Variants in ZCCHC2 observed in about 807,000 individuals in gnomAD.
ZCCHC2 encodes zinc finger CCHC-type containing 2.
ZCCHC2 carries 39 observed loss-of-function variants against 103.6 expected under a neutral mutation model. The observed-to-expected ratio is 0.38, with a 90% CI of 0.29 to 0.49. The LOEUF (loss-of-function observed/expected upper bound fraction) is 0.49. Ranked by LOEUF, ZCCHC2 falls within the 20% of genes least tolerant of loss-of-function variation. ZCCHC2 has a pLI of 0.96. For missense variants in ZCCHC2, 1,483 were observed against 1,491.0 expected (o/e 0.99, Z 0.09); for synonymous variants, 687 against 608.9 (o/e 1.13, Z -1.89).
chr18:62,574,133 T>C lies in ZCCHC2; in HGVS notation c.2052T>C (p.Thr684=). Residue 684 remains threonine, a synonymous_variant, in exon 13 of 14, where the codon ACT becomes ACC. Coordinates refer to ENST00000269499, the MANE Select transcript of ZCCHC2 (RefSeq NM_017742.6). ...RFTGYGSVNQ[T]VTVKPPVQIA... is the part of the protein sequence containing the mutation. ...CAGGTTACGGTTCTGTCAACCAGAC[T>C]GTCACTGTCAAGCCACCTGTTCAAA... is the stretch of plus-strand genomic sequence containing the variant. The C allele has an allele frequency of 1.9e-6, 3 of 1,614,040 alleles. No individual in the cohort carries two copies. The highest frequency in any genetic ancestry group is 2.5e-6 in the Non-Finnish European group (3 of 1,179,894).
chr18:62,549,861 A>G (rs1003756497), intron 4 of ZCCHC2, among the ~76,000 whole-genome samples: 4 of 152,240 alleles, frequency 2.6e-5, no homozygotes, highest in Non-Finnish European at 5.9e-5. Context: ...TTTGCTTCAT[A>G]GCACTGGTGA....
chr18:62,524,614 C>A, intron 1 of ZCCHC2: 1 of 500,906 alleles, frequency 2.0e-6, no homozygotes, highest in South Asian at 4.4e-5. Context: ...GAAGTCCCTT[C>A]CGTGCCACGG....
chr18:62,532,999 G>T (rs545044383), intron 1 of ZCCHC2, among the ~76,000 whole-genome samples: 1 of 152,302 alleles, frequency 6.6e-6, no homozygotes, highest in South Asian at 2.1e-4. Flanking sequence ...GATCATTTGA[G>T]CCCTGGAGGC....
intron 12 of ZCCHC2, among the ~76,000 whole-genome samples, chr18:62,572,936 G>A (rs1430532780): frequency 6.6e-6 from 1 of 151,922 alleles, no homozygotes; most frequent in Non-Finnish European, 1.5e-5. Flanking sequence ...ATCTATTAGG[G>A]GAAGTTTATG....
intron 8 of ZCCHC2, among the ~76,000 whole-genome samples, chr18:62,561,653 T>C (rs1191211845): frequency 6.6e-6 from 1 of 152,212 alleles, no homozygotes; most frequent in Non-Finnish European, 1.5e-5. Flanking sequence ...CTTTTTGGGA[T>C]CACTTCCCAA....
chr18:62,567,718 G>A (rs1485146837), intron 11 of ZCCHC2, among the ~76,000 whole-genome samples: 2 of 151,990 alleles, frequency 1.3e-5, no homozygotes, highest in African/African-American at 4.8e-5. Flanking sequence ...CTGGGGCCCG[G>A]TGGATCACTT....
rs1916268889 is a variant in ZCCHC2 at position 62,564,650 on chromosome 18, A to G, written c.1751+15A>G. On this transcript the variant is annotated intron_variant, in intron 10 of 13. Coordinates refer to ENST00000269499, the MANE Select transcript of ZCCHC2 (RefSeq NM_017742.6). ...CAAACAGAAAAGTAGGTTCAATTTA[A>G]GGAAAGACAGCATATAGCCTTTGAT... The G allele has an allele frequency of 6.5e-7, 1 of 1,527,950 alleles. No individual in the cohort carries two copies. The highest frequency in any genetic ancestry group is 1.4e-5 in the African/African-American group (1 of 72,568). The allele number at this position is 1,527,950 out of a possible 1,614,324, so 94.6% of individuals were successfully genotyped here.
intron 8 of ZCCHC2, among the ~76,000 whole-genome samples, chr18:62,561,272 G>C (rs1468947422): frequency 6.6e-6 from 1 of 152,232 alleles, no homozygotes; most frequent in Non-Finnish European, 1.5e-5. Context: ...CTTGCCACAT[G>C]TGGACTTCTA....
intron 11 of ZCCHC2, among the ~76,000 whole-genome samples, chr18:62,568,640 T>C (rs1458199329): frequency 6.6e-6 from 1 of 152,224 alleles, no homozygotes; most frequent in Non-Finnish European, 1.5e-5. Context: ...AATTTGCTCT[T>C]TGAACTATAG....
downstream of ZCCHC2, among the ~76,000 whole-genome samples, chr18:62,580,499 C>A (rs1194055024): frequency 6.6e-6 from 1 of 150,794 alleles, no homozygotes; most frequent in Non-Finnish European, 1.5e-5. Context: ...AGACCCCCCT[C>A]CCGAGATGGT....
intron 4 of ZCCHC2, among the ~76,000 whole-genome samples, chr18:62,547,175 A>C (rs1915449596): frequency 6.6e-6 from 1 of 151,906 alleles, no homozygotes. Flanking sequence ...AAATACAAAA[A>C]ATTAGCCAGG....
chr18:62,547,333 A>AAG (rs1435814151), intron 4 of ZCCHC2, among the ~76,000 whole-genome samples: 7 of 151,666 alleles, frequency 4.6e-5, no homozygotes, highest in Non-Finnish European at 1.0e-4. Flanking sequence ...CTTAAAAAAA[A>AAG]AAAAAAAAAG....
rs375513971 is a variant in ZCCHC2 at position 62,575,426 on chromosome 18, C to A, written c.3345C>A (p.Asn1115Lys). ...TCTATCCTGTATATCCAGCACCTAACGTAGTTGCCAACACCAGTGGTTCGG... is the reference window on the plus strand; with the variant it reads ...TCTATCCTGTATATCCAGCACCTAAAGTAGTTGCCAACACCAGTGGTTCGG... Reference protein sequence around the residue: ...GRFYPVYPAPNVVANTSGSGP... With the variant: ...GRFYPVYPAPKVVANTSGSGP... Residue 1115 changes from asparagine (N) to lysine (K), a missense_variant, in exon 13 of 14, where the codon AAC becomes AAA. Coordinates refer to ENST00000269499, the MANE Select transcript of ZCCHC2 (RefSeq NM_017742.6). The A allele has an allele frequency of 6.2e-7, 1 of 1,613,906 alleles. No homozygotes were observed. The highest frequency in any genetic ancestry group is 1.3e-5 in the African/African-American group (1 of 74,928).
intron 4 of ZCCHC2, among the ~76,000 whole-genome samples, chr18:62,549,092 G>T (rs550419977): frequency 1.3e-5 from 2 of 152,126 alleles, no homozygotes; most frequent in Admixed American, 1.3e-4. Context: ...GGGGGCGGGT[G>T]CGTGTAGTCC....
chr18:62,586,377 G>A (rs1917170905), exon 15 of ZCCHC2: 1 of 151,880 alleles, frequency 6.6e-6, no homozygotes, highest in African/African-American at 2.4e-5. Context: ...TCACTAGGGG[G>A]CAGCATCAGC....
rs1916709291 is a variant in ZCCHC2 at position 62,574,255 on chromosome 18, T to C, written c.2174T>C (p.Val725Ala). The C allele has an allele frequency of 1.2e-6, 2 of 1,613,938 alleles. No homozygotes were observed. Among genetic ancestry groups the C allele is most frequent in the Admixed American group, 1.7e-5 (1 of 60,006 alleles). The change falls in exon 13 of 14, where the codon GTC becomes GCC. Residue 725 changes from valine (V) to alanine (A), a missense_variant. Val to Ala is a moderately conservative substitution (Grantham distance 64, BLOSUM62 0). Transcript: ENST00000269499. ...TCTTTTATGCCAACGTTACACTGTGTCATGCACAATGGTGCCCAGAAGTCT... is the reference window on the plus strand; with the variant it reads ...TCTTTTATGCCAACGTTACACTGTGCCATGCACAATGGTGCCCAGAAGTCT... The part of the protein sequence containing the change: ...HISFMPTLHC[V>A]MHNGAQKSEV...
rs1358528346 is a variant in ZCCHC2 at position 62,575,046 on chromosome 18, A to C, written c.2965A>C (p.Ile989Leu). The C allele has an allele frequency of 1.2e-6, 2 of 1,613,846 alleles. No individual in the cohort carries two copies. The highest frequency in any genetic ancestry group is 1.7e-6 in the Non-Finnish European group (2 of 1,179,884). The change falls in exon 13 of 14, where the codon ATC becomes CTC. Residue 989 changes from isoleucine (I) to leucine (L), a missense_variant. Transcript: ENST00000269499. ...STAQSDSTSY[I>L]SAVGNTNANG... is the part of the protein sequence containing the mutation. ...CGCGCAGAGTGACAGCACCTCTTAC[A>C]TCAGTGCTGTGGGGAACACGAACGC...
At chr18:62,552,443 T>C (rs1449065008) in intron 5 of ZCCHC2, 5 of 152,226 alleles carry the variant, frequency 3.3e-5, no homozygotes, top group Admixed American at 2.6e-4. Flanking sequence ...TAGGAAATAC[T>C]CACTGATGTC....
Position 62,574,954 on chromosome 18 carries a change from C to T in ZCCHC2, c.2873C>T (p.Pro958Leu), listed in dbSNP as rs1441303194. The change falls in exon 13 of 14, where the codon CCT becomes CTT. Residue 958 changes from proline to leucine, a missense_variant. Pro to Leu is a moderately conservative substitution (Grantham distance 98, BLOSUM62 -3). This residue lies in a region of ZCCHC2 where 884 missense variants were observed against 907.5 expected (regional missense o/e 0.97). Transcript: ENST00000269499. ...AGISQAQATV[P>L]PAVPTHTPGP... The stretch of plus-strand genomic sequence containing the variant: ...ATCAGCCAGGCCCAGGCAACTGTTC[C>T]TCCTGCAGTTCCTACCCACACCCCA... The T allele has an allele frequency of 1.2e-6, 2 of 1,613,824 alleles. No individual in the cohort carries two copies. The highest frequency in any genetic ancestry group is 1.3e-5 in the African/African-American group (1 of 74,938).
Sources: allele counts gnomAD v4.1 joint callset (sites outside exome capture counted in the v4.1 genomes callset), GRCh38; gene constraint gnomAD v4.1.1; regional missense constraint gnomAD v4.1.1; transcripts MANE v1.5; gene names NCBI Gene and HGNC (gene_info 2026-07-23, HGNC 2026-07-21).